The following TNS3 variants were observed in gnomAD, a reference collection of about 807,000 sequenced individuals.
TNS3 encodes tensin 3, also known as tensin-3.
A neutral mutation model predicts 140.9 loss-of-function variants in TNS3; 45 were observed. The observed-to-expected ratio is 0.32, with a 90% confidence interval of 0.25 to 0.41. TNS3 has a LOEUF of 0.41. TNS3 is among the 10% of genes least tolerant of loss of function. TNS3 has a pLI of 1.00. For missense variants in TNS3, 1,716 were observed against 1,906.7 expected (o/e 0.90, Z 1.86); for synonymous variants, 815 against 788.4 (o/e 1.03, Z -0.56).
At chr7:47,428,795 T>G (rs980613546) in intron 8 of TNS3, among the ~76,000 whole-genome samples, 12 of 152,216 alleles carry the variant, frequency 7.9e-5, no homozygotes, top group African/African-American at 2.9e-4. Flanking sequence ...CAGCTCAGCA[T>G]GATGGGACAT....
chr7:47,336,442 G>A (rs762914867), intron 20 of TNS3, among the ~76,000 whole-genome samples: 7 of 152,318 alleles, frequency 4.6e-5, no homozygotes, highest in Middle Eastern at 3.4e-3. Context: ...GCTTCTGTTA[G>A]TCACATTATT....
chr7:47,344,894 C>A, intron 19 of TNS3, 30 bp downstream of exon 19: 1 of 1,612,984 alleles, frequency 6.2e-7, no homozygotes, highest in Non-Finnish European at 8.5e-7. Context: ...CATGGAGCAG[C>A]ACATGCAGCT....
chr7:47,339,979 ATG>A (rs1491042980), intron 20 of TNS3, among the ~76,000 whole-genome samples: 5 of 136,206 alleles, frequency 3.7e-5, no homozygotes, highest in Non-Finnish European at 7.9e-5. Flanking sequence ...ATATATATAT[ATG>A]TATACATATG....
At chr7:47,524,535 G>A (rs1251223752) in intron 2 of TNS3, among the ~76,000 whole-genome samples, 5 of 152,090 alleles carry the variant, frequency 3.3e-5, no homozygotes, top group Middle Eastern at 3.4e-3. Flanking sequence ...GGGCGCGGTG[G>A]CTCACGCCTG....
chr7:47,314,353 C>T (rs538904802), intron 20 of TNS3, among the ~76,000 whole-genome samples: 25 of 152,298 alleles, frequency 1.6e-4, no homozygotes, highest in African/African-American at 5.5e-4. Flanking sequence ...CCATGCTTAA[C>T]GGAAGAGGAG....
chr7:47,363,020 G>GCTGTCA (rs1365417093), intron 17 of TNS3, among the ~76,000 whole-genome samples: 22 of 566 alleles, frequency 0.039, no homozygotes, highest in Middle Eastern at 0.5. Context: ...CATCATCAGG[G>GCTGTCA]TCATCACCAT....
intron 27 of TNS3, among the ~76,000 whole-genome samples, chr7:47,287,746 C>A (rs1785493489): frequency 1.3e-5 from 2 of 152,192 alleles, no homozygotes; most frequent in Non-Finnish European, 1.5e-5. Flanking sequence ...ACATTCGCAG[C>A]TCTCAATGTG....
chr7:47,523,516 T>A (rs1478925091), intron 2 of TNS3, among the ~76,000 whole-genome samples: 1 of 152,198 alleles, frequency 6.6e-6, no homozygotes, highest in African/African-American at 2.4e-5. Flanking sequence ...GGTGGGCCCG[T>A]CCCTTGAGTC....
chr7:47,515,518 T>C (rs1207027496), intron 2 of TNS3, among the ~76,000 whole-genome samples: 2 of 151,776 alleles, frequency 1.3e-5, no homozygotes, highest in African/African-American at 4.8e-5. Context: ...CATGTCAACA[T>C]AATCACCAGT....
At chr7:47,441,953 C>T in intron 5 of TNS3, 50 bp downstream of exon 5, 1 of 1,249,038 alleles carries the variant, frequency 8.0e-7, no homozygotes, top group Non-Finnish European at 1.1e-6. Context: ...CTGTAGAGAG[C>T]TGACCTACAG....
chr7:47,440,657 C>G (rs946675917), intron 5 of TNS3, among the ~76,000 whole-genome samples: 1 of 152,104 alleles, frequency 6.6e-6, no homozygotes, highest in African/African-American at 2.4e-5. Context: ...CTGAGCCCCT[C>G]CCAGGAGTGC....
intron 9 of TNS3, 140 bp from the exon 10 acceptor site, chr7:47,424,324 C>T (rs1447865010): frequency 1.5e-6 from 1 of 677,116 alleles, no homozygotes; most frequent in Admixed American, 2.7e-5. Flanking sequence ...CCTGTGCACA[C>T]CCAATCCACC....
At chr7:47,574,513 G>T (rs1800627902) in intron 1 of TNS3, among the ~76,000 whole-genome samples, 2 of 152,016 alleles carry the variant, frequency 1.3e-5, no homozygotes, top group Non-Finnish European at 2.9e-5. Context: ...AAAATGGAAA[G>T]CAGGGACTTA....
rs371357379 is a variant in TNS3 at position 47,280,137 on chromosome 7, G to T, written c.4193+27C>A. ...TGGAGTACAACTGCAGACAAGGAGA[G>T]AATGTAAAGAAATCTCAGCAACTTA... is the stretch of plus-strand genomic sequence containing the variant. On this transcript the variant is annotated intron_variant, in intron 30 of 30. Coordinates refer to ENST00000311160, the MANE Select transcript of TNS3 (RefSeq NM_022748.12). 4 of 1,613,790 alleles carry T rather than the reference G, an allele frequency of 2.5e-6. No homozygotes were observed. The South Asian group carries it at 3.3e-5, about 13-fold the overall frequency.
In TNS3 at chr7:47,527,186, G is replaced by A. The variant is rs577740564; in HGVS notation, c.-153+1850C>T. On this transcript the variant is annotated intron_variant, in intron 2 of 30. Transcript: ENST00000311160. ...TGGGAGGCAGAGCTTGCAGTGAGCCGAGATCGCGCCACTGCACTGCAGCCT... is the reference window on the plus strand; with the variant it reads ...TGGGAGGCAGAGCTTGCAGTGAGCCAAGATCGCGCCACTGCACTGCAGCCT... Among the ~76,000 whole-genome samples the A allele has an allele frequency of 3.9e-3, 599 of 152,254 alleles. 1 individual carries two copies. Among genetic ancestry groups the A allele is most frequent in the Non-Finnish European group, 6.9e-3 (468 of 68,018 alleles).
rs181116763 is a variant in TNS3, at chr7:47,404,064, C to T, written c.724-3150G>A. Among the ~76,000 whole-genome samples the T allele has an allele frequency of 1.9e-3, 287 of 152,328 alleles. 1 individual carries two copies. Among genetic ancestry groups the T allele is most frequent in the Non-Finnish European group, 3.2e-3 (216 of 68,032 alleles). Reference sequence around the variant, plus strand: ...GTTTCTAGAATATGTTGATCCTTTGCCTTCAGATTTTAGAATATCTGCATT... The same window carrying T: ...GTTTCTAGAATATGTTGATCCTTTGTCTTCAGATTTTAGAATATCTGCATT... On this transcript the variant is annotated intron_variant, in intron 13 of 30. Transcript: ENST00000311160.
chr7:47,545,034 G>T (rs1463961456), intron 1 of TNS3, among the ~76,000 whole-genome samples: 1 of 151,946 alleles, frequency 6.6e-6, no homozygotes, highest in East Asian at 1.9e-4. Flanking sequence ...ACGGAGAGAG[G>T]TATGTTCACT....
intron 20 of TNS3, among the ~76,000 whole-genome samples, chr7:47,341,509 A>G (rs1179249763): frequency 1.3e-5 from 2 of 152,178 alleles, no homozygotes; most frequent in African/African-American, 2.4e-5. Context: ...TTTAAAAACT[A>G]TGCATGTAGA....
At chr7:47,467,355 T>C (rs1796762157) in intron 4 of TNS3, among the ~76,000 whole-genome samples, 1 of 152,264 alleles carries the variant, frequency 6.6e-6, no homozygotes, top group Admixed American at 6.5e-5. Context: ...TTTCTCCTTA[T>C]TCTTTCTCTA....
Sources: gnomAD v4.1 joint callset for allele counts (sites outside exome capture counted in the v4.1 genomes callset) on GRCh38, gnomAD v4.1.1 for gene constraint, MANE v1.5 for transcripts, NCBI Gene and HGNC (gene_info 2026-07-23, HGNC 2026-07-21) for gene names.